The following VWC2 variants were observed in gnomAD, a reference collection of about 807,000 sequenced individuals.
VWC2 encodes brorin.
VWC2 carries 14 observed loss-of-function variants against 29.8 expected under a neutral mutation model. The ratio of observed to expected loss-of-function variants is 0.47; its 90% CI spans 0.31 to 0.74. VWC2 has a LOEUF of 0.74. VWC2 is among the 30% of genes least tolerant of loss of function. The pLI, the probability that VWC2 is intolerant of heterozygous loss-of-function variation, is 0.05. For synonymous variants in VWC2, 213 were observed against 199.0 expected (o/e 1.07, Z -0.59); for missense variants, 457 against 459.8 (o/e 0.99, Z 0.05).
At chr7:49,782,690 G>GA (rs149219445) in intron 2 of VWC2, among the ~76,000 whole-genome samples, 30,240 of 128,622 alleles carry the variant, frequency 0.24, 4,123 homozygotes, top group Middle Eastern at 0.34. Context: ...ACAACAAATT[G>GA]AAAAAAAAAA....
At chr7:49,882,548 C>T (rs1416601706) in intron 3 of VWC2, among the ~76,000 whole-genome samples, 4 of 151,624 alleles carry the variant, frequency 2.6e-5, no homozygotes, top group Non-Finnish European at 5.9e-5. Context: ...GAGAGAGAGA[C>T]AGAGAGAGAC....
intron 3 of VWC2, among the ~76,000 whole-genome samples, chr7:49,812,870 T>A (rs1324831339): frequency 6.6e-6 from 1 of 152,156 alleles, no homozygotes; most frequent in African/African-American, 2.4e-5. Flanking sequence ...ACTCCTAAAT[T>A]ATATTTTGGT....
intron 3 of VWC2, among the ~76,000 whole-genome samples, chr7:49,844,593 A>C (rs1306792493): frequency 1.3e-5 from 2 of 152,242 alleles, no homozygotes; most frequent in African/African-American, 4.8e-5. Flanking sequence ...GCAGCATGGA[A>C]GATTGTGAGA....
intron 3 of VWC2, among the ~76,000 whole-genome samples, chr7:49,872,290 A>G (rs995773422): frequency 6.6e-6 from 1 of 152,090 alleles, no homozygotes; most frequent in Non-Finnish European, 1.5e-5. Context: ...TTTTGAGAAA[A>G]AAGTTAAAAC....
intron 3 of VWC2, among the ~76,000 whole-genome samples, chr7:49,863,815 CT>C (rs1377322492): frequency 2.0e-5 from 3 of 152,122 alleles, no homozygotes; most frequent in East Asian, 1.9e-4. Flanking sequence ...AGTGTGCTCT[CT>C]TTTTACTCAT....
At chr7:49,821,620 G>A (rs1464558159) in intron 3 of VWC2, among the ~76,000 whole-genome samples, 1 of 150,812 alleles carries the variant, frequency 6.6e-6, no homozygotes, top group African/African-American at 2.4e-5. Context: ...AAACAATTCC[G>A]TAATTTTCAA....
intron 3 of VWC2, among the ~76,000 whole-genome samples, chr7:49,910,466 G>A (rs1437880221): frequency 6.6e-6 from 1 of 152,174 alleles, no homozygotes; most frequent in African/African-American, 2.4e-5. Flanking sequence ...AACTGTTGAA[G>A]ATAAAAGTTG....
At chr7:49,910,279 T>G (rs1210666115) in intron 3 of VWC2, among the ~76,000 whole-genome samples, 1 of 152,228 alleles carries the variant, frequency 6.6e-6, no homozygotes, top group African/African-American at 2.4e-5. Context: ...CTTAGAATTA[T>G]TCAAAGGCCA....
At chr7:49,826,232 C>T (rs1789388699) in intron 3 of VWC2, among the ~76,000 whole-genome samples, 4 of 152,220 alleles carry the variant, frequency 2.6e-5, no homozygotes, top group Middle Eastern at 3.4e-3. Context: ...TTTTCAGTGA[C>T]GCCATCACCA....
At chr7:49,777,055 C>G (rs1788070269) in intron 2 of VWC2, among the ~76,000 whole-genome samples, 1 of 152,212 alleles carries the variant, frequency 6.6e-6, no homozygotes, top group South Asian at 2.1e-4. Context: ...TGCACAGGCT[C>G]TAGGTAAAAT....
intron 3 of VWC2, among the ~76,000 whole-genome samples, chr7:49,826,242 A>G (rs1406094627): frequency 1.3e-5 from 2 of 152,184 alleles, no homozygotes; most frequent in Non-Finnish European, 2.9e-5. Flanking sequence ...CGCCATCACC[A>G]TTACCAGAAG....
chr7:49,881,826 T>C (rs962831879), intron 3 of VWC2, among the ~76,000 whole-genome samples: 1 of 152,070 alleles, frequency 6.6e-6, no homozygotes, highest in Non-Finnish European at 1.5e-5. Context: ...TCATAACTTA[T>C]GTTTGTACTA....
At chr7:49,884,931 A>G (rs1422311645) in intron 3 of VWC2, among the ~76,000 whole-genome samples, 1 of 152,170 alleles carries the variant, frequency 6.6e-6, no homozygotes, top group East Asian at 1.9e-4. Flanking sequence ...TCCTTGACCA[A>G]TGAAATAATA....
intron 3 of VWC2, among the ~76,000 whole-genome samples, chr7:49,843,263 T>C (rs1168326604): frequency 6.6e-6 from 1 of 152,214 alleles, no homozygotes; most frequent in Non-Finnish European, 1.5e-5. Context: ...ATTCAAATTC[T>C]GGTTTAAACT....
At chr7:49,822,456 C>T (rs545147794) in intron 3 of VWC2, among the ~76,000 whole-genome samples, 1 of 152,140 alleles carries the variant, frequency 6.6e-6, no homozygotes, top group South Asian at 2.1e-4. Context: ...TTGTTTGAGA[C>T]GGAGTCTTAC....
intron 3 of VWC2, among the ~76,000 whole-genome samples, chr7:49,872,915 C>CAAAAAAAA (rs61473396): frequency 8.8e-4 from 30 of 33,946 alleles, no homozygotes; most frequent in Non-Finnish European, 1.1e-3. Flanking sequence ...GACTTTGTCT[C>CAAAAAAAA]AAAAAAAAAA....
At chr7:49,877,634 A>C (rs1199121342) in intron 3 of VWC2, among the ~76,000 whole-genome samples, 1 of 146,654 alleles carries the variant, frequency 6.8e-6, no homozygotes, top group Non-Finnish European at 1.5e-5. Context: ...AAATGCTGTG[A>C]TTTATCTGAT....
intron 3 of VWC2, among the ~76,000 whole-genome samples, chr7:49,903,820 G>A (rs1351029664): frequency 1.3e-5 from 2 of 152,208 alleles, no homozygotes; most frequent in East Asian, 3.8e-4. Flanking sequence ...ATAGGCAGAA[G>A]AAAGAGAAAG....
At chr7:49,774,446 C>G (rs1788007777) in intron 1 of VWC2, among the ~76,000 whole-genome samples, 1 of 152,344 alleles carries the variant, frequency 6.6e-6, no homozygotes, top group Non-Finnish European at 1.5e-5. Context: ...GCTCTCCCAG[C>G]CCCTTTGGGC....
Sources: allele counts gnomAD v4.1 joint callset (sites outside exome capture counted in the v4.1 genomes callset), GRCh38; gene constraint gnomAD v4.1.1; transcripts MANE v1.5; gene names NCBI Gene and HGNC (gene_info 2026-07-23, HGNC 2026-07-21).